The following GRID2 variants were observed in gnomAD, a reference collection of about 807,000 sequenced individuals.
GRID2 encodes the protein glutamate receptor ionotropic, delta-2.
Under a neutral mutation model 114.8 loss-of-function variants are expected in GRID2, and 33 were observed. That is an observed-to-expected ratio of 0.29 (90% CI 0.22 to 0.38). The LOEUF (loss-of-function observed/expected upper bound fraction) is 0.38. Among genes scored for constraint, GRID2 ranks in the 10% least tolerant of loss-of-function variants. The pLI, the probability that GRID2 is intolerant of heterozygous loss-of-function variation, is 1.00. For missense variants in GRID2, 1,184 were observed against 1,257.7 expected, an observed-to-expected ratio of 0.94 and a Z score of 0.89; for synonymous variants, 505 against 449.9, an observed-to-expected ratio of 1.12 and a Z score of -1.55.
intron 4 of GRID2, among the ~76,000 whole-genome samples, chr4:93,140,109 G>A (rs1183612307): frequency 6.6e-6 from 1 of 151,078 alleles, no homozygotes; most frequent in Non-Finnish European, 1.5e-5. Context: ...GATCGTCTCT[G>A]CCATCCCTTA....
At chr4:92,897,057 A>G (rs1747220356) in intron 2 of GRID2, among the ~76,000 whole-genome samples, 1 of 152,084 alleles carries the variant, frequency 6.6e-6, no homozygotes, top group Non-Finnish European at 1.5e-5. Context: ...CCAGGTTTTA[A>G]TTATGACCCT....
At chr4:93,192,830 A>G (rs1421693527) in intron 4 of GRID2, among the ~76,000 whole-genome samples, 1 of 151,966 alleles carries the variant, frequency 6.6e-6, no homozygotes, top group Non-Finnish European at 1.5e-5. Flanking sequence ...ACTGCAAATC[A>G]GGGTGAAATG....
chr4:92,974,307 T>C (rs777418084), intron 2 of GRID2, among the ~76,000 whole-genome samples: 2 of 152,058 alleles, frequency 1.3e-5, no homozygotes, highest in African/African-American at 2.4e-5. Context: ...GAACTAGAAA[T>C]ACCATTTGAC....
At chr4:92,796,473 G>A (rs752859482) in intron 2 of GRID2, among the ~76,000 whole-genome samples, 1 of 151,854 alleles carries the variant, frequency 6.6e-6, no homozygotes, top group Admixed American at 6.6e-5. Flanking sequence ...TTGGGGATTA[G>A]TAGCTTTATA....
At chr4:92,532,853 G>A (rs545082188) in intron 1 of GRID2, among the ~76,000 whole-genome samples, 5 of 152,150 alleles carry the variant, frequency 3.3e-5, no homozygotes, top group Admixed American at 6.5e-5. Flanking sequence ...CAGGAAGATT[G>A]CTTGAGCCCA....
chr4:92,591,640 TA>T (rs1728710499), intron 2 of GRID2, among the ~76,000 whole-genome samples: 1 of 152,186 alleles, frequency 6.6e-6, no homozygotes, highest in African/African-American at 2.4e-5. Context: ...TTTACTGTTT[TA>T]TCTGCTTGAT....
intron 1 of GRID2, among the ~76,000 whole-genome samples, chr4:92,541,394 A>C (rs1725941566): frequency 6.6e-6 from 1 of 152,064 alleles, no homozygotes; most frequent in South Asian, 2.1e-4. Context: ...TGTTTTAGTT[A>C]TATGATAAAA....
intron 14 of GRID2, among the ~76,000 whole-genome samples, chr4:93,759,812 A>G (rs1733055924): frequency 6.6e-6 from 1 of 152,244 alleles, no homozygotes; most frequent in Admixed American, 6.5e-5. Flanking sequence ...GTAAATGGAT[A>G]CAGTGGAACA....
chr4:92,332,724 C>T (rs1270939052), intron 1 of GRID2, among the ~76,000 whole-genome samples: 2 of 152,098 alleles, frequency 1.3e-5, no homozygotes, highest in South Asian at 2.1e-4. Context: ...ATAGGGTAGA[C>T]ATTTCCATTT....
Position 93,216,991 on chromosome 4 carries a change from A to G in GRID2, c.963+80A>G, listed in dbSNP as rs1248903962. On this transcript the variant is annotated intron_variant, in intron 6 of 15. Coordinates refer to ENST00000282020, the MANE Select transcript of GRID2 (RefSeq NM_001510.4). ...AGGAGAGCTTTATGAGTTGCATTGG[A>G]TTCAGAATTATACGTGTTATTTCTG... The G allele has an allele frequency of 1.2e-4, 104 of 896,642 alleles. No homozygotes were observed. The East Asian group carries it at 1.6e-3, about 14-fold the overall frequency. 55.5% of individuals were successfully genotyped at this position (896,642 alleles called of 1,614,324 possible).
At chr4:93,703,823 G>A (rs1243349357) in intron 14 of GRID2, among the ~76,000 whole-genome samples, 13 of 152,062 alleles carry the variant, frequency 8.5e-5, no homozygotes, top group East Asian at 5.8e-4. Context: ...AAGGACATGA[G>A]CTCATCCTTA....
chr4:93,118,642 G>A (rs1419370842), intron 4 of GRID2, among the ~76,000 whole-genome samples: 2 of 152,284 alleles, frequency 1.3e-5, no homozygotes, highest in South Asian at 2.1e-4. Context: ...GCAGGTCAAA[G>A]GGGTGCAGAA....
chr4:93,480,074 T>G (rs1489722067), intron 11 of GRID2, among the ~76,000 whole-genome samples: 1 of 152,088 alleles, frequency 6.6e-6, no homozygotes, highest in Admixed American at 6.6e-5. Context: ...ATTTAAAACA[T>G]TACATGTTTG....
At chr4:93,280,087 A>G (rs766568090) in intron 8 of GRID2, among the ~76,000 whole-genome samples, 5 of 151,934 alleles carry the variant, frequency 3.3e-5, no homozygotes, top group South Asian at 2.1e-4. Context: ...GTTTAAGACT[A>G]TGGAAGCCAG....
At chr4:93,079,080 T>G (rs1228927208) in intron 2 of GRID2, among the ~76,000 whole-genome samples, 3 of 151,488 alleles carry the variant, frequency 2.0e-5, no homozygotes, top group Non-Finnish European at 4.4e-5. Flanking sequence ...AATATTCAAT[T>G]TAGCCATGCT....
chr4:93,133,159 C>T (rs1331058717), intron 4 of GRID2, among the ~76,000 whole-genome samples: 1 of 151,732 alleles, frequency 6.6e-6, no homozygotes, highest in Non-Finnish European at 1.5e-5. Context: ...CGCTCTCTCT[C>T]GGTCTCTCTC....
intron 13 of GRID2, among the ~76,000 whole-genome samples, chr4:93,596,101 A>C (rs984576865): frequency 1.3e-5 from 2 of 152,162 alleles, no homozygotes; most frequent in African/African-American, 4.8e-5. Context: ...CTTTTTGCTA[A>C]TTTCCTATTG....
intron 3 of GRID2, among the ~76,000 whole-genome samples, chr4:93,100,684 C>T (rs1490306553): frequency 6.6e-6 from 1 of 151,958 alleles, no homozygotes; most frequent in East Asian, 1.9e-4. Context: ...GAATACAGTA[C>T]TGAAGCCTTT....
At chr4:93,082,898 G>A (rs777217034) in intron 2 of GRID2, among the ~76,000 whole-genome samples, 1 of 152,120 alleles carries the variant, frequency 6.6e-6, no homozygotes, top group Non-Finnish European at 1.5e-5. Flanking sequence ...TATCTACTAA[G>A]CAAGATTAAT....
Sources: gnomAD v4.1 joint callset for allele counts (sites outside exome capture counted in the v4.1 genomes callset) on GRCh38, gnomAD v4.1.1 for gene constraint, MANE v1.5 for transcripts, NCBI Gene and HGNC (gene_info 2026-07-23, HGNC 2026-07-21) for gene names.